Variants in LIMS2 observed in about 807,000 individuals in gnomAD.
LIMS2 encodes LIM zinc finger domain containing 2, also known as LIM and senescent cell antigen-like-containing domain protein 2.
A neutral mutation model predicts 45.3 loss-of-function variants in LIMS2; 30 were observed. The ratio of observed to expected loss-of-function variants is 0.66; its 90% CI spans 0.50 to 0.90. The LOEUF (loss-of-function observed/expected upper bound fraction) is 0.90, where lower values mean the gene tolerates loss of function less well. LIMS2 is among the 40% of genes least tolerant of loss of function. LIMS2 has a pLI of 0.00. For missense variants in LIMS2, 485 were observed against 468.7 expected (o/e 1.03, Z -0.32); for synonymous variants, 173 against 188.0 (o/e 0.92, Z 0.65).
At chr2:127,641,062 G>T in intron 6 of LIMS2, 74 bp from the exon 7 acceptor site, 2 of 1,206,776 alleles carry the variant, frequency 1.7e-6, no homozygotes. Flanking sequence ...GTGACCCGGG[G>T]ACAACAGTGA....
chr2:127,674,695 G>T, intron 1 of LIMS2: 1 of 985,458 alleles, frequency 1.0e-6, no homozygotes, highest in Non-Finnish European at 1.2e-6. Context: ...TTTGCCCGTG[G>T]TTGGTGTCTG....
chr2:127,648,959 GGGGAGGGGGGGAGGGGA>G (rs1683304073), intron 4 of LIMS2, among the ~76,000 whole-genome samples: 3 of 27,466 alleles, frequency 1.1e-4, no homozygotes, highest in Non-Finnish European at 2.2e-4. Context: ...GGGGAGGGGA[GGGGAGGGGGGGAGGGGA>G]GGGAGGGGAG....
chr2:127,641,412 G>A, intron 6 of LIMS2: 1 of 200,570 alleles, frequency 5.0e-6, no homozygotes. Flanking sequence ...GGCACCCCCT[G>A]CAAGCCTGGG....
Position 127,647,706 on chromosome 2 carries a change from T to C in LIMS2, c.360-4634A>G, listed in dbSNP as rs1683150362. 6.6e-6 allele frequency among the ~76,000 whole-genome samples: 1 copy of C among 151,994 alleles called. No individual in the cohort carries two copies. Among genetic ancestry groups the C allele is most frequent in the Non-Finnish European group, 1.5e-5 (1 of 67,980 alleles). On this transcript the variant is annotated intron_variant, in intron 4 of 9. Coordinates refer to ENST00000355119, the MANE Select transcript of LIMS2 (RefSeq NM_001161403.3). This position sits in a 1 kb window ranked among gnomAD's most constrained non-coding sequence, Gnocchi z 4.3. The stretch of plus-strand genomic sequence containing the variant: ...CCCCGCACACACCTTCCTCCTCTCC[T>C]GCCAACCTGAAAACAGCACACCTGT...
rs747920875 is a variant in LIMS2 at position 127,641,028 on chromosome 2, G to A, written c.661-40C>T. ...GGCGGGCCGGGTGGCATCAGGGCTA[G>A]AGCGGTGACCCCGAGGGACAGTGGT... On this transcript the variant is annotated intron_variant, in intron 6 of 9. Coordinates refer to ENST00000355119, the MANE Select transcript of LIMS2 (RefSeq NM_001161403.3). The A allele has an allele frequency of 1.2e-5, 19 of 1,558,892 alleles. No homozygotes were observed. The East Asian group carries it at 3.4e-4, about 28-fold the overall frequency.
In LIMS2 at chr2:127,675,046, T is replaced by TGGGTTGCCG. The variant is rs531608626; in HGVS notation, c.-31_-23dup. The TGGGTTGCCG allele has an allele frequency of 9.8e-6, 12 of 1,229,436 alleles. No homozygotes were observed. In the South Asian group the frequency reaches 1.2e-4, roughly 13 times the overall value. The allele number at this position is 1,229,436 out of a possible 1,614,324, so 76.2% of individuals were successfully genotyped here. Reference sequence around the variant, plus strand: ...TCATGGTGGCAGCGACGCCGAGCCCTGGGTTGCCGGGGTTGCCGCGGGTCT... The same window carrying TGGGTTGCCG: ...TCATGGTGGCAGCGACGCCGAGCCCTGGGTTGCCGGGGTTGCCGGGGTTGCCGCGGGTCT... On this transcript the variant is annotated 5_prime_UTR_variant, in exon 1 of 10. Coordinates refer to ENST00000355119, the MANE Select transcript of LIMS2 (RefSeq NM_001161403.3).
intron 2 of LIMS2, 99 bp downstream of exon 2, chr2:127,657,304 C>G (rs995833940): frequency 1.4e-6 from 2 of 1,433,714 alleles, no homozygotes; most frequent in African/African-American, 2.8e-5. Context: ...CAGACCTGGC[C>G]CTGTCACCAG....
At chr2:127,640,441 A>C in intron 7 of LIMS2, 123 bp from the exon 8 acceptor site, 1 of 1,064,182 alleles carries the variant, frequency 9.4e-7, no homozygotes, top group Non-Finnish European at 1.4e-6. Flanking sequence ...CCTGCCTCCC[A>C]GGGCCCAGCT....
intron 4 of LIMS2, chr2:127,650,784 C>T (rs147409022): frequency 6.2e-7 from 1 of 1,613,852 alleles, no homozygotes; most frequent in Admixed American, 1.7e-5. Context: ...CAACTTCTCC[C>T]TGGCCACGGC....
chr2:127,674,985 G>A, intron 1 of LIMS2, 29 bp downstream of exon 1: 1 of 1,228,972 alleles, frequency 8.1e-7, no homozygotes, highest in South Asian at 4.1e-5. Flanking sequence ...CCGCCTCCCC[G>A]GCCCGGGGGC....
intron 4 of LIMS2, among the ~76,000 whole-genome samples, chr2:127,649,530 G>A (rs1036150891): frequency 2.0e-5 from 3 of 152,242 alleles, no homozygotes; most frequent in Non-Finnish European, 2.9e-5. Flanking sequence ...AGGCAGGCCA[G>A]GTGCGCTGTC....
intron 4 of LIMS2, chr2:127,650,424 C>G: frequency 1.9e-6 from 1 of 539,766 alleles, no homozygotes; most frequent in African/African-American, 1.9e-5. Context: ...GGCACTGACC[C>G]GGTCCTCCCA....
At chr2:127,673,249 A>G (rs956315785) in intron 1 of LIMS2, among the ~76,000 whole-genome samples, 2 of 152,184 alleles carry the variant, frequency 1.3e-5, no homozygotes, top group African/African-American at 4.8e-5. Flanking sequence ...GCATAAAGGG[A>G]GGCTCTTGGG....
chr2:127,649,098 G>GAAAAAAC (rs376579491), intron 4 of LIMS2, among the ~76,000 whole-genome samples: 1 of 125,390 alleles, frequency 8.0e-6, no homozygotes, highest in Non-Finnish European at 1.8e-5. Context: ...AAAGAAAAAA[G>GAAAAAAC]AAAAGAAAAA....
intron 6 of LIMS2, 63 bp downstream of exon 6, chr2:127,641,986 T>C (rs758060475): frequency 6.4e-7 from 1 of 1,562,826 alleles, no homozygotes; most frequent in Non-Finnish European, 8.7e-7. Context: ...TTAGGGCTCT[T>C]ACCATGACCC....
chr2:127,676,459 T>C (rs1168667467), upstream of LIMS2, among the ~76,000 whole-genome samples: 1 of 143,736 alleles, frequency 7.0e-6, no homozygotes, highest in African/African-American at 2.7e-5. Context: ...TTGCCCAGGC[T>C]GGAGTGCAAT....
At chr2:127,654,118 A>C (rs1011180961) in intron 4 of LIMS2, among the ~76,000 whole-genome samples, 2 of 152,072 alleles carry the variant, frequency 1.3e-5, no homozygotes, top group African/African-American at 4.8e-5. Flanking sequence ...TGAGCTGCAC[A>C]GGTACAGGCA....
At chr2:127,669,190 T>C (rs1207810881) in intron 1 of LIMS2, among the ~76,000 whole-genome samples, 1 of 152,172 alleles carries the variant, frequency 6.6e-6, no homozygotes, top group East Asian at 1.9e-4. Flanking sequence ...TATCAACAAA[T>C]GATGCTAGGA....
At chr2:127,644,087 T>C (rs745661001) in intron 4 of LIMS2, 1 of 456,530 alleles carries the variant, frequency 2.2e-6, no homozygotes, top group South Asian at 1.5e-5. Context: ...GCTGGGTGTC[T>C]GGACTCCATC....
Sources: allele counts gnomAD v4.1 joint callset (sites outside exome capture counted in the v4.1 genomes callset), GRCh38; gene constraint gnomAD v4.1.1; non-coding constraint Gnocchi (gnomAD v3.1); transcripts MANE v1.5; gene names NCBI Gene and HGNC (gene_info 2026-07-23, HGNC 2026-07-21).